The following VPS13A variants were observed in gnomAD, a reference collection of about 807,000 sequenced individuals.
VPS13A encodes the protein intermembrane lipid transfer protein VPS13A.
VPS13A carries 264 observed loss-of-function variants against 390.9 expected under a neutral mutation model. That is an observed-to-expected ratio of 0.68 (90% CI 0.61 to 0.75). The LOEUF (loss-of-function observed/expected upper bound fraction) is 0.75, where lower values mean the gene tolerates loss of function less well. VPS13A is among the 30% of genes least tolerant of loss of function. The probability of loss-of-function intolerance (pLI) is 0.00; values close to 1 mark genes in which losing one functional copy is unlikely to be tolerated. For missense variants in VPS13A, 3,409 were observed against 3,733.9 expected, an observed-to-expected ratio of 0.91 and a Z score of 2.27; for synonymous variants, 1,231 against 1,227.1, an observed-to-expected ratio of 1.00 and a Z score of -0.07.
chr9:77,273,810 C>T (rs2131326543), intron 24 of VPS13A, among the ~76,000 whole-genome samples: 1 of 152,232 alleles, frequency 6.6e-6, no homozygotes, highest in African/African-American at 2.4e-5. Flanking sequence ...GTCATCTTCC[C>T]TGGTACAGAA....
intron 52 of VPS13A, among the ~76,000 whole-genome samples, chr9:77,348,798 T>C (rs924743360): frequency 5.9e-5 from 9 of 152,182 alleles, no homozygotes; most frequent in Non-Finnish European, 1.2e-4. Context: ...CTGAGGACTA[T>C]GGTTAGTTTC....
intron 33 of VPS13A, 93 bp from the exon 34 acceptor site, chr9:77,302,822 A>G: frequency 2.3e-6 from 3 of 1,303,562 alleles, no homozygotes; most frequent in African/African-American, 1.5e-5. Context: ...GATTTCTGCT[A>G]TTTGCATATA....
chr9:77,310,335 A>G (rs1033811893), intron 35 of VPS13A, among the ~76,000 whole-genome samples: 1 of 152,228 alleles, frequency 6.6e-6, no homozygotes, highest in Admixed American at 6.5e-5. Flanking sequence ...AAGGAAAGAA[A>G]AAAAAAGCCA....
intron 19 of VPS13A, among the ~76,000 whole-genome samples, chr9:77,244,230 T>C (rs765990406): frequency 3.3e-5 from 5 of 152,148 alleles, no homozygotes; most frequent in Non-Finnish European, 7.4e-5. Flanking sequence ...CAGAGTGAGA[T>C]GCTGTCTCCA....
intron 10 of VPS13A, among the ~76,000 whole-genome samples, chr9:77,215,970 G>A (rs965959537): frequency 1.3e-5 from 2 of 152,142 alleles, no homozygotes; most frequent in African/African-American, 2.4e-5. Context: ...GCATAAGGCC[G>A]GTGCTGAAGA....
In VPS13A at chr9:77,359,689, G is replaced by A. The variant is rs561734075; in HGVS notation, c.8105+287G>A. Among the ~76,000 whole-genome samples, 11 of 151,880 alleles carry A rather than the reference G, an allele frequency of 7.2e-5. No homozygotes were observed. In the East Asian group the frequency reaches 1.6e-3, roughly 22 times the overall value. On this transcript the variant is annotated intron_variant, in intron 58 of 71. Coordinates refer to ENST00000360280, the MANE Select transcript of VPS13A (RefSeq NM_033305.3). Reference sequence around the variant, plus strand: ...AAAAATTAGCCAGGCGTGGTGGCACGTGCCCAGAGTCCCAACTACTCAGGA... The same window carrying A: ...AAAAATTAGCCAGGCGTGGTGGCACATGCCCAGAGTCCCAACTACTCAGGA...
At chr9:77,219,405 T>C (rs1823054182) in intron 10 of VPS13A, among the ~76,000 whole-genome samples, 1 of 152,166 alleles carries the variant, frequency 6.6e-6, no homozygotes, top group Non-Finnish European at 1.5e-5. Flanking sequence ...TCTTATTCTT[T>C]TTGGCACCAA....
chr9:77,246,707 T>G (rs1260863914), intron 19 of VPS13A, among the ~76,000 whole-genome samples: 1 of 152,130 alleles, frequency 6.6e-6, no homozygotes, highest in South Asian at 2.1e-4. Flanking sequence ...CACATGCAAG[T>G]GAATGAATTA....
At position 77,314,548 on chromosome 9, in the gene VPS13A, G is replaced by A; in HGVS notation, c.4296G>A (p.Leu1432=). ...DPSLKLAEFK[L]ENIISTLKMY... is the part of the protein sequence containing the mutation. ...CTCTGAAACTTGCTGAATTTAAATT[G>A]GAGAATATTATAAGTACTTTAAAAA... The change falls in exon 37 of 72, where the codon TTG becomes TTA. Residue 1432 remains leucine (L), a synonymous_variant. Transcript: ENST00000360280. The A allele has an allele frequency of 6.2e-7, 1 of 1,611,812 alleles. No individual in the cohort carries two copies. The highest frequency in any genetic ancestry group is 8.5e-7 in the Non-Finnish European group (1 of 1,178,802).
Position 77,377,236 on chromosome 9 carries a change from G to A in VPS13A, c.9078-4740G>A, listed in dbSNP as rs192415122. On this transcript the variant is annotated intron_variant, in intron 67 of 71. Coordinates refer to ENST00000360280, the MANE Select transcript of VPS13A (RefSeq NM_033305.3). Reference sequence around the variant, plus strand: ...TTTTTTTTTTTTTTTTTTTTGAGACGGAGTCTCGCTCTGTCGCCCAGGCCA... The same window carrying A: ...TTTTTTTTTTTTTTTTTTTTGAGACAGAGTCTCGCTCTGTCGCCCAGGCCA... 2.8e-4 allele frequency among the ~76,000 whole-genome samples: 25 copies of A among 89,916 alleles called. No individual in the cohort carries two copies. The East Asian group carries it at 4.0e-3, about 14-fold the overall frequency. 59.0% of individuals were successfully genotyped at this position (89,916 alleles called of 152,430 possible). A position where few individuals can be genotyped will look rare whatever the true frequency, so the allele number is the denominator to read the frequency against.
At chr9:77,232,573 A>G (rs1189100489) in intron 17 of VPS13A, among the ~76,000 whole-genome samples, 1 of 152,130 alleles carries the variant, frequency 6.6e-6, no homozygotes, top group Non-Finnish European at 1.5e-5. Context: ...AGACTGGGTA[A>G]TTTATAAAGG....
intron 59 of VPS13A, among the ~76,000 whole-genome samples, chr9:77,361,813 ACTAT>A (rs1393910058): frequency 6.6e-6 from 1 of 152,104 alleles, no homozygotes; most frequent in African/African-American, 2.4e-5. Context: ...AACACTTGTT[ACTAT>A]CTGTCTTTGA....
chr9:77,320,319 A>T (rs1587574287), intron 42 of VPS13A, among the ~76,000 whole-genome samples: 1 of 152,138 alleles, frequency 6.6e-6, no homozygotes, highest in Non-Finnish European at 1.5e-5. Flanking sequence ...ATCATCTTGT[A>T]GGTTGTTGTC....
intron 1 of VPS13A, among the ~76,000 whole-genome samples, chr9:77,197,291 A>G (rs146758797): frequency 6.6e-6 from 1 of 152,158 alleles, no homozygotes; most frequent in South Asian, 2.1e-4. Flanking sequence ...GGTCAATAGT[A>G]TTAAGTCCTA....
chr9:77,283,767 A>T, intron 31 of VPS13A, 117 bp downstream of exon 31: 2 of 848,872 alleles, frequency 2.4e-6, no homozygotes, highest in South Asian at 3.4e-5. Context: ...TATTATGTGC[A>T]TGGGTTTTGG....
At chr9:77,371,325 G>A (rs1445083228) in intron 67 of VPS13A, among the ~76,000 whole-genome samples, 176 bp downstream of exon 67, 1 of 152,160 alleles carries the variant, frequency 6.6e-6, no homozygotes, top group East Asian at 1.9e-4. Flanking sequence ...TTGGCTCACG[G>A]TTCTGAAAGT....
chr9:77,352,236 A>G (rs376362049), intron 53 of VPS13A, among the ~76,000 whole-genome samples: 3 of 152,242 alleles, frequency 2.0e-5, no homozygotes, highest in African/African-American at 4.8e-5. Flanking sequence ...AGTTATGCAC[A>G]TATATTTTCT....
chr9:77,218,421 A>G (rs1001054519), intron 10 of VPS13A, among the ~76,000 whole-genome samples: 2 of 151,864 alleles, frequency 1.3e-5, no homozygotes, highest in African/African-American at 4.8e-5. Flanking sequence ...CCCTTTGCCC[A>G]CTTTTTAATG....
At chr9:77,414,706 T>A (rs1001171940) in intron 71 of VPS13A, among the ~76,000 whole-genome samples, 9 of 151,008 alleles carry the variant, frequency 6.0e-5, no homozygotes, top group African/African-American at 1.9e-4. Context: ...AACCTGCACG[T>A]TGTGCACATG....
Sources: gnomAD v4.1 joint callset for allele counts (sites outside exome capture counted in the v4.1 genomes callset) on GRCh38, gnomAD v4.1.1 for gene constraint, MANE v1.5 for transcripts, NCBI Gene and HGNC (gene_info 2026-07-23, HGNC 2026-07-21) for gene names.